GPM6A: variants seen among roughly 807,000 people sequenced by gnomAD.
The protein encoded by GPM6A is neuronal membrane glycoprotein M6-a.
Under a neutral mutation model 32.1 loss-of-function variants are expected in GPM6A, and 7 were observed. The ratio of observed to expected loss-of-function variants is 0.22; its 90% CI spans 0.12 to 0.41. The LOEUF is 0.41. Among genes scored for constraint, GPM6A ranks in the 10% least tolerant of loss-of-function variants. GPM6A has a pLI of 1.00. For synonymous variants in GPM6A, 130 were observed against 123.4 expected, an observed-to-expected ratio of 1.05 and a Z score of -0.35; for missense variants, 235 against 347.2, an observed-to-expected ratio of 0.68 and a Z score of 2.57.
intron 1 of GPM6A, among the ~76,000 whole-genome samples, chr4:175,889,721 G>A (rs1257427379): frequency 6.6e-6 from 1 of 151,894 alleles, no homozygotes; most frequent in African/African-American, 2.4e-5. Flanking sequence ...GCTGAGGCAG[G>A]AGAATGGCGT....
intron 1 of GPM6A, among the ~76,000 whole-genome samples, chr4:175,944,932 C>T (rs2126354674): frequency 6.6e-6 from 1 of 152,258 alleles, no homozygotes; most frequent in African/African-American, 2.4e-5. Context: ...TCTTCATGTA[C>T]ATTTTTTTGT....
intron 1 of GPM6A, among the ~76,000 whole-genome samples, chr4:175,730,754 G>A (rs1384594231): frequency 1.3e-5 from 2 of 152,138 alleles, no homozygotes; most frequent in Non-Finnish European, 2.9e-5. Flanking sequence ...GATTCCAGGT[G>A]TGAGCCACCG....
intron 1 of GPM6A, among the ~76,000 whole-genome samples, chr4:175,733,193 A>G (rs1172578686): frequency 6.6e-6 from 1 of 152,112 alleles, no homozygotes; most frequent in Non-Finnish European, 1.5e-5. Context: ...AAGCCTAAGC[A>G]GTTCAAACTA....
intron 3 of GPM6A, among the ~76,000 whole-genome samples, chr4:175,667,610 C>G (rs1742822863): frequency 6.6e-6 from 1 of 151,912 alleles, no homozygotes. Flanking sequence ...GCAAATATAC[C>G]ATATTAAAGT....
At chr4:175,856,270 G>A (rs1736411253) in intron 1 of GPM6A, among the ~76,000 whole-genome samples, 1 of 152,190 alleles carries the variant, frequency 6.6e-6, no homozygotes, top group African/African-American at 2.4e-5. Context: ...GTACTGAGAT[G>A]GGAGAGTTCC....
chr4:175,917,983 A>G (rs377372691), intron 1 of GPM6A, among the ~76,000 whole-genome samples: 1 of 152,136 alleles, frequency 6.6e-6, no homozygotes, highest in South Asian at 2.1e-4. Flanking sequence ...CATTTTAAAT[A>G]GTAACTGAAA....
chr4:175,789,318 T>C (rs1018783383), intron 1 of GPM6A, among the ~76,000 whole-genome samples: 1 of 152,182 alleles, frequency 6.6e-6, no homozygotes, highest in Non-Finnish European at 1.5e-5. Context: ...AAAACATCCA[T>C]GTTTGAATTT....
chr4:175,647,431 A>G (rs12646306), intron 4 of GPM6A, among the ~76,000 whole-genome samples: 106,334 of 152,092 alleles, frequency 0.7, 40,385 homozygotes, highest in Non-Finnish European at 0.85. Flanking sequence ...TTATTTCATG[A>G]GCAGTTTGAA....
At chr4:175,783,491 C>CA (rs1429646992) in intron 1 of GPM6A, among the ~76,000 whole-genome samples, 2 of 151,796 alleles carry the variant, frequency 1.3e-5, no homozygotes, top group African/African-American at 4.8e-5. Context: ...CAACTTAAAA[C>CA]AATGCAAAAT....
At chr4:175,856,289 C>T (rs1341700490) in intron 1 of GPM6A, among the ~76,000 whole-genome samples, 3 of 152,140 alleles carry the variant, frequency 2.0e-5, no homozygotes, top group Non-Finnish European at 4.4e-5. Flanking sequence ...CCCTTGATTC[C>T]TTTGTGGGAC....
At chr4:175,637,625 TTATATA>T (rs59303387) in intron 6 of GPM6A, among the ~76,000 whole-genome samples, 1 of 55,872 alleles carries the variant, frequency 1.8e-5, no homozygotes, top group Admixed American at 3.4e-4. Context: ...ATAATATATA[TTATATA>T]TATATTATAT....
chr4:175,827,335 G>A (rs1027410), intron 1 of GPM6A, among the ~76,000 whole-genome samples: 147,646 of 152,308 alleles, frequency 0.97, 71,737 homozygotes, highest in East Asian at 1. Context: ...TATGCCAACC[G>A]CAGGTCTTAG....
At chr4:175,747,495 AT>A (rs1259766275) in intron 1 of GPM6A, among the ~76,000 whole-genome samples, 2 of 152,216 alleles carry the variant, frequency 1.3e-5, no homozygotes, top group African/African-American at 4.8e-5. Context: ...TAATGTGAAT[AT>A]TGTAATAAAG....
chr4:175,967,052 TA>T (rs1740354209), intron 1 of GPM6A, among the ~76,000 whole-genome samples: 1 of 152,030 alleles, frequency 6.6e-6, no homozygotes, highest in African/African-American at 2.4e-5. Flanking sequence ...AAATCCTCAA[TA>T]AAATATTAGC....
chr4:175,822,002 A>G (rs1735291749), intron 1 of GPM6A, among the ~76,000 whole-genome samples: 1 of 152,062 alleles, frequency 6.6e-6, no homozygotes, highest in Non-Finnish European at 1.5e-5. Flanking sequence ...AAATGATTCT[A>G]TGGTTTCATT....
At chr4:175,882,105 T>C (rs1737299083) in intron 1 of GPM6A, among the ~76,000 whole-genome samples, 1 of 152,110 alleles carries the variant, frequency 6.6e-6, no homozygotes, top group Non-Finnish European at 1.5e-5. Flanking sequence ...CATAGTTTAT[T>C]ATCATTGTAA....
At chr4:175,749,590 C>T (rs1436229011) in intron 1 of GPM6A, among the ~76,000 whole-genome samples, 1 of 152,136 alleles carries the variant, frequency 6.6e-6, no homozygotes, top group Non-Finnish European at 1.5e-5. Flanking sequence ...GTTTATATAA[C>T]TTACATTTTG....
chr4:175,757,542 G>C (rs1258534346), intron 1 of GPM6A, among the ~76,000 whole-genome samples: 1 of 152,122 alleles, frequency 6.6e-6, no homozygotes, highest in East Asian at 1.9e-4. Flanking sequence ...CTCAAATGGG[G>C]AATATACATA....
chr4:175,886,528 G>T (rs1189333230), intron 1 of GPM6A, among the ~76,000 whole-genome samples: 1 of 152,004 alleles, frequency 6.6e-6, no homozygotes, highest in Admixed American at 6.6e-5. Flanking sequence ...TGAACCAAAA[G>T]GTCCTTCTAC....
Sources: gnomAD v4.1 joint callset for allele counts (sites outside exome capture counted in the v4.1 genomes callset) on GRCh38, gnomAD v4.1.1 for gene constraint, MANE v1.5 for transcripts, NCBI Gene and HGNC (gene_info 2026-07-23, HGNC 2026-07-21) for gene names.